The following NOX4 variants were observed in gnomAD, a reference collection of about 807,000 sequenced individuals.
The protein encoded by NOX4 is kidney oxidase-1.
NOX4 carries 69 observed loss-of-function variants against 87.6 expected under a neutral mutation model. The ratio of observed to expected loss-of-function variants is 0.79; its 90% CI spans 0.65 to 0.96. The LOEUF (loss-of-function observed/expected upper bound fraction) is 0.96, where lower values mean the gene tolerates loss of function less well. Ranked by LOEUF, NOX4 falls within the 40% of genes least tolerant of loss-of-function variation. The pLI, the probability that NOX4 is intolerant of heterozygous loss-of-function variation, is 0.00. For missense variants in NOX4, 680 were observed against 681.5 expected (o/e 1.00, Z 0.02); for synonymous variants, 275 against 238.2 (o/e 1.15, Z -1.42).
intron 12 of NOX4, among the ~76,000 whole-genome samples, chr11:89,371,994 AT>A (rs1210573595): frequency 7.3e-5 from 11 of 151,492 alleles, no homozygotes; most frequent in African/African-American, 1.4e-4. Flanking sequence ...TACCAATATT[AT>A]TTTTTTTAAC....
At chr11:89,526,644 G>A in the NOX4 span, among the ~76,000 whole-genome samples, 415 of 152,188 alleles carry the variant, frequency 2.7e-3, 3 homozygotes, top group African/African-American at 9.5e-3. Context: ...GAGAGCTGAC[G>A]GTTTTTTAAG....
At chr11:89,428,185 C>T (rs916296375) in intron 7 of NOX4, among the ~76,000 whole-genome samples, 3 of 152,136 alleles carry the variant, frequency 2.0e-5, no homozygotes, top group African/African-American at 4.8e-5. Context: ...ATTTTGGCAC[C>T]ACCAGGCCTC....
the NOX4 span, among the ~76,000 whole-genome samples, chr11:89,542,502 T>G: frequency 2.6e-5 from 4 of 152,234 alleles, no homozygotes; most frequent in Non-Finnish European, 4.4e-5. Flanking sequence ...TGAGCCAATA[T>G]GCATTCTTCT....
the NOX4 span, among the ~76,000 whole-genome samples, chr11:89,569,796 G>A: frequency 3.7e-4 from 56 of 152,000 alleles, no homozygotes; most frequent in African/African-American, 1.3e-3. Flanking sequence ...AAGGTCAGGA[G>A]ATCGAGACCA....
At chr11:89,498,441 T>C (rs182038855), upstream of NOX4, among the ~76,000 whole-genome samples, 2 of 152,322 alleles carry the variant, frequency 1.3e-5, no homozygotes, top group East Asian at 1.9e-4. Context: ...TTATTTATAA[T>C]TGCTATAAAG....
At chr11:89,514,397 A>G in the NOX4 span, among the ~76,000 whole-genome samples, 1 of 151,996 alleles carries the variant, frequency 6.6e-6, no homozygotes, top group African/African-American at 2.4e-5. Context: ...AGTTTTTCAC[A>G]GATGCCTTAG....
At position 89,486,606 on chromosome 11, in the gene NOX4, A is replaced by ATGTGTGTG. The variant is rs1273838001; in HGVS notation, c.153+3851_153+3852insCACACACA. Among the ~76,000 whole-genome samples, 39 of 120,598 alleles carry ATGTGTGTG rather than the reference A, an allele frequency of 3.2e-4. 1 individual carries two copies. The highest frequency in any genetic ancestry group is 5.4e-4 in the Non-Finnish European group (32 of 59,480). 79.1% of individuals were successfully genotyped at this position (120,598 alleles called of 152,430 possible). A position where few individuals can be genotyped will look rare whatever the true frequency, so the allele number is the denominator to read the frequency against. ...TGTATATATGTGTATATATACATAT[A>ATGTGTGTG]TATGTGTGTATATATGTGTATATAT... On this transcript the variant is annotated intron_variant, in intron 2 of 17. Transcript: ENST00000263317.
upstream of NOX4, among the ~76,000 whole-genome samples, chr11:89,492,882 A>T (rs940026037): frequency 6.6e-6 from 1 of 152,214 alleles, no homozygotes; most frequent in Non-Finnish European, 1.5e-5. Flanking sequence ...GAAACAATTC[A>T]AGAATAGTAA....
intron 11 of NOX4, among the ~76,000 whole-genome samples, chr11:89,375,020 G>A (rs1224175609): frequency 1.3e-5 from 2 of 151,992 alleles, no homozygotes; most frequent in Non-Finnish European, 2.9e-5. Flanking sequence ...AAAAATCAGT[G>A]AAAACACTAA....
At chr11:89,422,496 G>A (rs555887518) in intron 7 of NOX4, among the ~76,000 whole-genome samples, 45 of 152,160 alleles carry the variant, frequency 3.0e-4, no homozygotes, top group African/African-American at 4.8e-4. Context: ...TGCTCTGGGG[G>A]AGGACAAAGA....
intron 8 of NOX4, among the ~76,000 whole-genome samples, chr11:89,404,446 C>T (rs1325724569): frequency 6.6e-6 from 1 of 152,050 alleles, no homozygotes; most frequent in African/African-American, 2.4e-5. Flanking sequence ...AAGATATCTT[C>T]AAAGAAGCTG....
At chr11:89,540,686 G>A in the NOX4 span, among the ~76,000 whole-genome samples, 1 of 150,824 alleles carries the variant, frequency 6.6e-6, no homozygotes, top group Admixed American at 6.6e-5. Context: ...TACTCGGGAG[G>A]CTGAGGCAGG....
In NOX4 at chr11:89,402,356, T is replaced by C. The variant is rs778207146; in HGVS notation, c.816A>G (p.Glu272=). 1.9e-6 allele frequency: 3 copies of C among 1,613,256 alleles called. No individual in the cohort carries two copies. The South Asian group carries it at 3.3e-5, about 18-fold the overall frequency. ...TQHKFVKICM[E]EPRFQANFPQ... ...GAAAATTAGCTTGGAATCTGGGCTCTTCCATACAAATCTTCACAAATTTGT... is the reference window on the plus strand; with the variant it reads ...GAAAATTAGCTTGGAATCTGGGCTCCTCCATACAAATCTTCACAAATTTGT... The change falls in exon 9 of 18, where the codon GAA becomes GAG. Residue 272 remains glutamate (E), a synonymous_variant. Coordinates refer to ENST00000263317, the MANE Select transcript of NOX4 (RefSeq NM_016931.5).
chr11:89,345,468 C>G (rs1946177323), intron 13 of NOX4, among the ~76,000 whole-genome samples: 1 of 152,152 alleles, frequency 6.6e-6, no homozygotes, highest in Non-Finnish European at 1.5e-5. Flanking sequence ...TGATGCTGGG[C>G]AGCTGCCACA....
At chr11:89,345,840 AT>A (rs1339686180) in intron 13 of NOX4, among the ~76,000 whole-genome samples, 1 of 152,186 alleles carries the variant, frequency 6.6e-6, no homozygotes, top group East Asian at 1.9e-4. Context: ...AACCAACATG[AT>A]CCTGAATTGG....
the NOX4 span, among the ~76,000 whole-genome samples, chr11:89,579,919 A>G: frequency 6.6e-6 from 1 of 152,108 alleles, no homozygotes; most frequent in African/African-American, 2.4e-5. Context: ...CAAATGAAAA[A>G]AAAAAAGACC....
the NOX4 span, among the ~76,000 whole-genome samples, chr11:89,514,016 G>A: frequency 1.3e-5 from 2 of 151,810 alleles, no homozygotes; most frequent in Non-Finnish European, 2.9e-5. Context: ...GAACCACAAG[G>A]TAAATAAATT....
chr11:89,566,877 A>G, the NOX4 span, among the ~76,000 whole-genome samples: 10 of 152,074 alleles, frequency 6.6e-5, no homozygotes, highest in Non-Finnish European at 1.0e-4. Flanking sequence ...CTTACCATGG[A>G]CCTCTAGAGT....
At chr11:89,342,464 G>A (rs1946046824) in intron 13 of NOX4, among the ~76,000 whole-genome samples, 1 of 151,926 alleles carries the variant, frequency 6.6e-6, no homozygotes, top group African/African-American at 2.4e-5. Context: ...ATCATGCCAG[G>A]TAGCTAAGGA....
Sources: gnomAD v4.1 joint callset for allele counts (sites outside exome capture counted in the v4.1 genomes callset) on GRCh38, gnomAD v4.1.1 for gene constraint, MANE v1.5 for transcripts, NCBI Gene and HGNC (gene_info 2026-07-23, HGNC 2026-07-21) for gene names.